The following NDUFA10 variants were observed in gnomAD, a reference collection of about 807,000 sequenced individuals.
The protein encoded by NDUFA10 is NADH:ubiquinone oxidoreductase subunit A10, also known as NADH dehydrogenase [ubiquinone] 1 alpha subcomplex subunit 10, mitochondrial.
NDUFA10 carries 40 observed loss-of-function variants against 47.8 expected under a neutral mutation model. The observed-to-expected ratio is 0.84, with a 90% CI of 0.65 to 1.09. The LOEUF is 1.09. NDUFA10 is among the 50% of genes least tolerant of loss of function. The pLI is 0.00. For missense variants in NDUFA10, 413 were observed against 451.1 expected (o/e 0.92, Z 0.76); for synonymous variants, 183 against 172.2 (o/e 1.06, Z -0.49).
intron 4 of NDUFA10, among the ~76,000 whole-genome samples, chr2:239,922,708 A>G (rs894192308): frequency 3.9e-5 from 6 of 152,196 alleles, no homozygotes; most frequent in African/African-American, 1.4e-4. Flanking sequence ...GATTCCAGGG[A>G]CACCTGGTTT....
At chr2:239,954,622 T>C (rs1170906998), downstream of NDUFA10, among the ~76,000 whole-genome samples, 6 of 152,224 alleles carry the variant, frequency 3.9e-5, no homozygotes, top group African/African-American at 9.6e-5. Flanking sequence ...TATTTACCCA[T>C]TGGATGAACA....
intron 9 of NDUFA10, chr2:239,969,890 A>T (rs376170061): frequency 3.0e-6 from 1 of 329,144 alleles, no homozygotes; most frequent in Non-Finnish European, 6.3e-6. Flanking sequence ...AAATGGACAG[A>T]GTCACAGGGA....
intron 4 of NDUFA10, among the ~76,000 whole-genome samples, chr2:239,923,970 T>TG (rs1210774193): frequency 6.6e-6 from 1 of 152,122 alleles, no homozygotes; most frequent in African/African-American, 2.4e-5. Flanking sequence ...CAAACATTAC[T>TG]GCACACATAA....
intron 3 of NDUFA10, among the ~76,000 whole-genome samples, chr2:240,019,142 C>G (rs1269075486): frequency 6.6e-6 from 1 of 152,168 alleles, no homozygotes; most frequent in East Asian, 1.9e-4. Context: ...TGGGCAGAGG[C>G]CTCCCCTAAT....
At chr2:240,021,538 G>C (rs534727307) in intron 2 of NDUFA10, 126 bp from the exon 3 acceptor site, 2 of 818,920 alleles carry the variant, frequency 2.4e-6, no homozygotes, top group South Asian at 2.9e-5. Flanking sequence ...CAATGACCTA[G>C]AGAAAGTCAC....
chr2:239,900,965 T>C (rs1307383861), intron 4 of NDUFA10, among the ~76,000 whole-genome samples: 1 of 152,196 alleles, frequency 6.6e-6, no homozygotes, highest in Non-Finnish European at 1.5e-5. Flanking sequence ...GCTGAGATCA[T>C]GGATGTAGGT....
At chr2:239,968,071 T>C (rs1467262364) in intron 9 of NDUFA10, among the ~76,000 whole-genome samples, 2 of 152,036 alleles carry the variant, frequency 1.3e-5, no homozygotes, top group Non-Finnish European at 2.9e-5. Flanking sequence ...CTAACTACTT[T>C]GAGAGAGATG....
intron 4 of NDUFA10, among the ~76,000 whole-genome samples, chr2:239,941,969 C>A (rs1283352648): frequency 6.6e-6 from 1 of 152,096 alleles, no homozygotes; most frequent in African/African-American, 2.4e-5. Context: ...ATTTTCTGCA[C>A]CAAAACAGTA....
intron 4 of NDUFA10, among the ~76,000 whole-genome samples, chr2:239,941,595 G>A (rs566976484): frequency 5.3e-5 from 8 of 152,158 alleles, no homozygotes; most frequent in Non-Finnish European, 7.4e-5. Context: ...GCATGATGGC[G>A]CACGTTTGTA....
At chr2:239,949,600 C>T (rs1574800068) in intron 4 of NDUFA10, among the ~76,000 whole-genome samples, 1 of 152,158 alleles carries the variant, frequency 6.6e-6, no homozygotes, top group Non-Finnish European at 1.5e-5. Flanking sequence ...CTCAAGCAAT[C>T]CTCCCACCTC....
downstream of NDUFA10, among the ~76,000 whole-genome samples, chr2:239,953,572 G>A (rs955894664): frequency 3.3e-5 from 5 of 152,060 alleles, no homozygotes; most frequent in Admixed American, 2.0e-4. Flanking sequence ...AGGAGCACTC[G>A]GTGTCTTCTC....
At chr2:239,898,419 T>C (rs757440921) in intron 4 of NDUFA10, among the ~76,000 whole-genome samples, 3 of 152,206 alleles carry the variant, frequency 2.0e-5, no homozygotes, top group Non-Finnish European at 4.4e-5. Flanking sequence ...GGGAGCTGCC[T>C]ACACACACTC....
At chr2:239,961,816 G>T (rs560636101) in intron 9 of NDUFA10, among the ~76,000 whole-genome samples, 10 of 152,330 alleles carry the variant, frequency 6.6e-5, no homozygotes, top group Admixed American at 2.0e-4. Context: ...GGACGACAGA[G>T]CCCAGGAGGA....
chr2:239,956,682 C>G (rs865998565), downstream of NDUFA10, among the ~76,000 whole-genome samples: 2 of 152,188 alleles, frequency 1.3e-5, no homozygotes, highest in African/African-American at 2.4e-5. Flanking sequence ...TCTGTTCGTG[C>G]TTCCTAAACC....
intron 9 of NDUFA10, among the ~76,000 whole-genome samples, chr2:239,988,641 A>G (rs980547858): frequency 6.6e-6 from 1 of 152,232 alleles, no homozygotes; most frequent in African/African-American, 2.4e-5. Context: ...AAGCGAAGCC[A>G]CTTGTGAAAC....
intron 4 of NDUFA10, among the ~76,000 whole-genome samples, chr2:239,907,269 TAA>T (rs1225023164): frequency 2.0e-5 from 3 of 152,206 alleles, no homozygotes; most frequent in African/African-American, 7.2e-5. Flanking sequence ...CAAGATGGAT[TAA>T]AGACTTAAAT....
chr2:240,018,308 G>A, intron 4 of NDUFA10: 8 of 1,148,180 alleles, frequency 7.0e-6, no homozygotes, highest in South Asian at 1.5e-5. Flanking sequence ...GCGTGTGTTT[G>A]AGGTCCAGGG....
rs570357023 is a variant in NDUFA10, at chr2:239,906,163, T to C, written c.295-10849A>G. On this transcript the variant is annotated intron_variant, in intron 4 of 5. Transcript: ENST00000419408. The surrounding 1 kb of genome is among the most constrained non-coding windows in gnomAD (Gnocchi z 4.3). ...GGGCCCTGCTCTGTGCCTAGATATT[T>C]CACACTCCAGCACACCTTTTAACAA... Among the ~76,000 whole-genome samples the C allele has an allele frequency of 3.3e-5, 5 of 152,206 alleles. No homozygotes were observed. The East Asian group carries it at 9.7e-4, about 29-fold the overall frequency.
Position 240,005,203 on chromosome 2 carries a change from C to T in NDUFA10, c.890+7G>A. On this transcript the variant is annotated splice_region_variant and intron_variant, in intron 8 of 9. Transcript: ENST00000252711. ...ACATGCAGCAGCCCCCACACAGATG[C>T]ACTTACAGTAATCGCAGGTGGTATA... 1 of 1,612,194 alleles carries T rather than the reference C, an allele frequency of 6.2e-7. No homozygotes were observed. Among genetic ancestry groups the T allele is most frequent in the South Asian group, 1.1e-5 (1 of 91,054 alleles).
Sources: gnomAD v4.1 joint callset for allele counts (sites outside exome capture counted in the v4.1 genomes callset) on GRCh38, gnomAD v4.1.1 for gene constraint, Gnocchi (gnomAD v3.1) non-coding constraint, MANE v1.5 for transcripts, NCBI Gene and HGNC (gene_info 2026-07-23, HGNC 2026-07-21) for gene names.